The following CMC1 variants were observed in gnomAD, a reference collection of about 807,000 sequenced individuals.
CMC1 encodes the protein COX assembly mitochondrial protein homolog.
CMC1 carries 14 observed loss-of-function variants against 14.1 expected under a neutral mutation model. The observed-to-expected ratio is 0.99, with a 90% CI of 0.66 to 1.55. The LOEUF is 1.55. Ranked by LOEUF, CMC1 falls within the 40% of genes most tolerant of loss-of-function variation. CMC1 has a pLI of 0.00. For missense variants in CMC1, 127 were observed against 123.8 expected (o/e 1.03, Z -0.12); for synonymous variants, 50 against 38.4 (o/e 1.30, Z -1.12).
chr3:28,259,764 T>C (rs1387496441), intron 1 of CMC1, among the ~76,000 whole-genome samples: 1 of 152,192 alleles, frequency 6.6e-6, no homozygotes, highest in African/African-American at 2.4e-5. Flanking sequence ...ATATCTGTAG[T>C]ACAATATCAA....
chr3:28,255,577 A>G lies in CMC1; in HGVS notation c.20-7714A>G, dbSNP rs575629923. Among the ~76,000 whole-genome samples the G allele has an allele frequency of 3.3e-5, 5 of 152,192 alleles. No homozygotes were observed. In the East Asian group the frequency reaches 7.7e-4, roughly 24 times the overall value. ...CGGTAGCTTCTGGCAAAGCTAAGGA[A>G]AAAGAGAATGTGTAAATAAATGATA... On this transcript the variant is annotated intron_variant, in intron 1 of 3. Transcript: ENST00000466830.
At chr3:28,256,256 T>G (rs1438877450) in intron 1 of CMC1, among the ~76,000 whole-genome samples, 1 of 152,088 alleles carries the variant, frequency 6.6e-6, no homozygotes, top group Non-Finnish European at 1.5e-5. Context: ...AATTGGTTTA[T>G]GTGATTGTAG....
At chr3:28,312,326 T>C (rs1011481798) in intron 2 of CMC1, among the ~76,000 whole-genome samples, 10 of 152,330 alleles carry the variant, frequency 6.6e-5, no homozygotes, top group Admixed American at 5.2e-4. Flanking sequence ...AATGGAGATA[T>C]GAACAGAGTG....
At chr3:28,274,220 C>CTTTTTTTTTTTTTTTT (rs544985268) in intron 2 of CMC1, among the ~76,000 whole-genome samples, 2 of 112,324 alleles carry the variant, frequency 1.8e-5, no homozygotes. Context: ...TTGTTTTTTT[C>CTTTTTTTTTTTTTTTT]TTTTTTTTTT....
intron 1 of CMC1, 96 bp from the exon 2 acceptor site, chr3:28,263,195 C>G: frequency 1.2e-6 from 1 of 807,558 alleles, no homozygotes. Context: ...AGTATATTTG[C>G]ATAGGCTTTT....
intron 1 of CMC1, among the ~76,000 whole-genome samples, chr3:28,255,460 G>A (rs1253414133): frequency 1.3e-5 from 2 of 151,822 alleles, no homozygotes; most frequent in Non-Finnish European, 2.9e-5. Flanking sequence ...TGGCCAGGCT[G>A]GTCTTGAACT....
At chr3:28,250,606 C>T (rs1262251770) in intron 1 of CMC1, among the ~76,000 whole-genome samples, 2 of 151,984 alleles carry the variant, frequency 1.3e-5, no homozygotes, top group African/African-American at 2.4e-5. Flanking sequence ...AACTATAAGC[C>T]GATTTTTCAG....
chr3:28,296,562 C>CACTTTCTTT (rs1701750050), intron 2 of CMC1, among the ~76,000 whole-genome samples: 2 of 151,860 alleles, frequency 1.3e-5, no homozygotes, highest in Non-Finnish European at 2.9e-5. Flanking sequence ...CTGTGACAGC[C>CACTTTCTTT]ACTTTCTTTA....
chr3:28,324,092 G>A lies in CMC1; in HGVS notation c.*4463G>A. On this transcript the variant is annotated 3_prime_UTR_variant, in exon 4 of 4. Coordinates refer to ENST00000466830, the MANE Select transcript of CMC1 (RefSeq NM_182523.2). ...TTATGTTGATCCAAGTAATGCAGTG[G>A]TGGAAGGTTGGGTAAAGGCAAAGTT... 1 of 1,610,042 alleles carries A rather than the reference G, an allele frequency of 6.2e-7. No homozygotes were observed. Among genetic ancestry groups the A allele is most frequent in the Non-Finnish European group, 8.5e-7 (1 of 1,177,250 alleles).
chr3:28,262,145 A>G (rs1376093092), intron 1 of CMC1, among the ~76,000 whole-genome samples: 3 of 152,156 alleles, frequency 2.0e-5, no homozygotes, highest in South Asian at 2.1e-4. Context: ...TTGTTGCATC[A>G]TGTCTTGCCA....
chr3:28,258,013 A>G (rs1272566529), intron 1 of CMC1, among the ~76,000 whole-genome samples: 1 of 149,492 alleles, frequency 6.7e-6, no homozygotes, highest in Admixed American at 6.7e-5. Flanking sequence ...ACAAAATGAT[A>G]TAAGGGGTTT....
At chr3:28,281,021 C>T (rs1385668870) in intron 2 of CMC1, among the ~76,000 whole-genome samples, 1 of 152,178 alleles carries the variant, frequency 6.6e-6, no homozygotes, top group Admixed American at 6.5e-5. Flanking sequence ...ATATGGCCTA[C>T]AAAGCCTAAA....
At chr3:28,287,036 A>G (rs1238429191) in intron 2 of CMC1, among the ~76,000 whole-genome samples, 1 of 152,154 alleles carries the variant, frequency 6.6e-6, no homozygotes, top group Non-Finnish European at 1.5e-5. Context: ...GTGCTGGAAT[A>G]ATCCAACCGT....
At chr3:28,257,695 T>A (rs938123897) in intron 1 of CMC1, among the ~76,000 whole-genome samples, 1 of 152,030 alleles carries the variant, frequency 6.6e-6, no homozygotes, top group African/African-American at 2.4e-5. Flanking sequence ...ATTTTTGTAT[T>A]TTTAGTAGGG....
rs1703190989 is a variant in CMC1 at position 28,321,600 on chromosome 3, T to C, written c.*1971T>C. On this transcript the variant is annotated 3_prime_UTR_variant, in exon 4 of 4. Coordinates refer to ENST00000466830, the MANE Select transcript of CMC1 (RefSeq NM_182523.2). Reference sequence around the variant, plus strand: ...CTGTTGATATTATTCCCTGTTAATATGTGGTAACCCACAGGTTTTTTACCC... The same window carrying C: ...CTGTTGATATTATTCCCTGTTAATACGTGGTAACCCACAGGTTTTTTACCC... 1 of 151,402 alleles carries C rather than the reference T, an allele frequency of 6.6e-6. No individual in the cohort carries two copies. Among genetic ancestry groups the C allele is most frequent in the Non-Finnish European group, 1.5e-5 (1 of 67,546 alleles). 9.4% of individuals were successfully genotyped at this position (151,402 alleles called of 1,614,324 possible). A position where few individuals can be genotyped will look rare whatever the true frequency, so the allele number is the denominator to read the frequency against.
chr3:28,266,271 A>G (rs936802369), intron 2 of CMC1, among the ~76,000 whole-genome samples: 3 of 152,148 alleles, frequency 2.0e-5, no homozygotes, highest in Non-Finnish European at 2.9e-5. Context: ...ATACCCTTAT[A>G]CTTCTAAAAT....
At chr3:28,315,004 A>T (rs1702821442) in intron 2 of CMC1, 1 of 152,160 alleles carries the variant, frequency 6.6e-6, no homozygotes, top group African/African-American at 2.4e-5. Context: ...AACACAATAC[A>T]CAATTTATTT....
intron 2 of CMC1, among the ~76,000 whole-genome samples, chr3:28,309,711 G>T (rs1233312167): frequency 6.6e-6 from 1 of 151,862 alleles, no homozygotes; most frequent in Non-Finnish European, 1.5e-5. Context: ...TCATTCCACT[G>T]TGCAAACCCT....
intron 2 of CMC1, among the ~76,000 whole-genome samples, chr3:28,300,609 TCCTCCCTC>T (rs1165616648): frequency 1.1e-5 from 1 of 89,980 alleles, no homozygotes; most frequent in African/African-American, 3.4e-5. Context: ...CTTCCTTCCT[TCCTCCCTC>T]CCTCCCTCCC....
Sources: allele counts gnomAD v4.1 joint callset (sites outside exome capture counted in the v4.1 genomes callset), GRCh38; gene constraint gnomAD v4.1.1; transcripts MANE v1.5; gene names NCBI Gene and HGNC (gene_info 2026-07-23, HGNC 2026-07-21).